The following RBFOX1 variants were observed in gnomAD, a reference collection of about 807,000 sequenced individuals.
RBFOX1 encodes RNA binding protein fox-1 homolog 1.
Under a neutral mutation model 57.7 loss-of-function variants are expected in RBFOX1, and 8 were observed. The observed-to-expected ratio is 0.14, with a 90% CI of 0.08 to 0.25. The LOEUF is 0.25. Among genes scored for constraint, RBFOX1 ranks in the 10% least tolerant of loss-of-function variants. The pLI, the probability that RBFOX1 is intolerant of heterozygous loss-of-function variation, is 1.00. For synonymous variants in RBFOX1, 326 were observed against 222.4 expected (o/e 1.47, Z -4.15); for missense variants, 611 against 548.5 (o/e 1.11, Z -1.14).
intron 3 of RBFOX1, among the ~76,000 whole-genome samples, chr16:5,713,372 A>G (rs1313114971): frequency 6.6e-6 from 1 of 152,184 alleles, no homozygotes; most frequent in African/African-American, 2.4e-5. Flanking sequence ...GGGGCGTTTA[A>G]GAGCTCTTCT....
intron 3 of RBFOX1, among the ~76,000 whole-genome samples, chr16:6,931,526 A>G (rs1386993150): frequency 7.9e-5 from 12 of 152,166 alleles, no homozygotes; most frequent in African/African-American, 1.4e-4. Flanking sequence ...GGCTGGGGAC[A>G]TCTTGCCAAT....
chr16:6,060,284 G>C (rs575972258), intron 1 of RBFOX1, among the ~76,000 whole-genome samples: 1 of 152,060 alleles, frequency 6.6e-6, no homozygotes, highest in South Asian at 2.1e-4. Context: ...CAGAGGATTT[G>C]CACCATTTGT....
intron 3 of RBFOX1, among the ~76,000 whole-genome samples, chr16:7,002,940 A>G (rs979374407): frequency 1.3e-5 from 2 of 152,140 alleles, no homozygotes; most frequent in Non-Finnish European, 2.9e-5. Flanking sequence ...AGAAAGTGTA[A>G]GAATGTAGGA....
chr16:7,664,370 C>T (rs2068623894), intron 12 of RBFOX1, among the ~76,000 whole-genome samples: 2 of 152,120 alleles, frequency 1.3e-5, no homozygotes, highest in South Asian at 2.1e-4. Context: ...AAATAATGCA[C>T]GTGCAATTAC....
At chr16:7,378,858 G>C (rs889964243) in intron 4 of RBFOX1, among the ~76,000 whole-genome samples, 1 of 152,128 alleles carries the variant, frequency 6.6e-6, no homozygotes, top group Non-Finnish European at 1.5e-5. Flanking sequence ...CAAAGAGGTG[G>C]GGTAGTGTAT....
intron 4 of RBFOX1, among the ~76,000 whole-genome samples, chr16:5,874,974 G>A (rs1013805855): frequency 6.6e-6 from 1 of 152,252 alleles, no homozygotes; most frequent in East Asian, 1.9e-4. Context: ...ATGAATGGAT[G>A]GAGAATAGAG....
chr16:5,928,262 G>A (rs1157642105), intron 4 of RBFOX1, among the ~76,000 whole-genome samples: 2 of 151,744 alleles, frequency 1.3e-5, no homozygotes, highest in Non-Finnish European at 2.9e-5. Context: ...TTAATTGTTT[G>A]TAGAGACGGG....
chr16:5,971,990 C>T (rs1005240159), intron 4 of RBFOX1, among the ~76,000 whole-genome samples: 1 of 152,182 alleles, frequency 6.6e-6, no homozygotes, highest in Admixed American at 6.5e-5. Flanking sequence ...GCCTGCCTGA[C>T]TTCAAACTGG....
intron 3 of RBFOX1, among the ~76,000 whole-genome samples, chr16:6,780,731 T>A (rs2080871734): frequency 6.6e-6 from 1 of 151,496 alleles, no homozygotes; most frequent in African/African-American, 2.4e-5. Context: ...GATTTGCATT[T>A]CTCTAATGAT....
chr16:6,568,935 C>T (rs888191937), intron 2 of RBFOX1, among the ~76,000 whole-genome samples: 1 of 151,974 alleles, frequency 6.6e-6, no homozygotes, highest in Non-Finnish European at 1.5e-5. Context: ...ATTATGCCCA[C>T]GTGATTTTTC....
At chr16:6,823,448 G>A (rs1567415447) in intron 3 of RBFOX1, among the ~76,000 whole-genome samples, 2 of 151,848 alleles carry the variant, frequency 1.3e-5, no homozygotes, top group Non-Finnish European at 1.5e-5. Flanking sequence ...ATAGAGATGG[G>A]GTTTTGCCAT....
intron 3 of RBFOX1, among the ~76,000 whole-genome samples, chr16:7,035,827 A>G (rs1383419588): frequency 1.3e-5 from 2 of 152,114 alleles, no homozygotes; most frequent in Non-Finnish European, 1.5e-5. Context: ...TTTTGTGTGA[A>G]GCATATGTCT....
At chr16:6,143,625 A>G (rs2096735420) in intron 1 of RBFOX1, among the ~76,000 whole-genome samples, 1 of 152,178 alleles carries the variant, frequency 6.6e-6, no homozygotes. Context: ...GCCCCAAATC[A>G]TGCATGTATC....
At chr16:6,855,116 C>G (rs2057588519) in intron 3 of RBFOX1, among the ~76,000 whole-genome samples, 1 of 151,954 alleles carries the variant, frequency 6.6e-6, no homozygotes, top group South Asian at 2.1e-4. Flanking sequence ...AGGGAGTTGA[C>G]AGATTCCAGC....
At chr16:7,023,509 T>C (rs187391700) in intron 3 of RBFOX1, among the ~76,000 whole-genome samples, 37 of 140,508 alleles carry the variant, frequency 2.6e-4, no homozygotes, top group African/African-American at 7.7e-4. Flanking sequence ...GGTGGAGCAC[T>C]TGATGCCAGG....
intron 3 of RBFOX1, among the ~76,000 whole-genome samples, chr16:6,928,763 T>A (rs561441399): frequency 6.6e-6 from 1 of 152,252 alleles, no homozygotes; most frequent in East Asian, 1.9e-4. Flanking sequence ...TTTCATCATT[T>A]CACATTGTTT....
chr16:7,015,686 G>C (rs1188390124), intron 3 of RBFOX1, among the ~76,000 whole-genome samples: 1 of 151,998 alleles, frequency 6.6e-6, no homozygotes, highest in Non-Finnish European at 1.5e-5. Flanking sequence ...ATTTTTTTAT[G>C]ACTAGCGGTC....
chr16:6,552,806 T>C (rs556399856), intron 2 of RBFOX1, among the ~76,000 whole-genome samples: 2 of 152,072 alleles, frequency 1.3e-5, no homozygotes, highest in East Asian at 3.9e-4. Context: ...TATGTATGAA[T>C]GTATTATGTG....
chr16:7,663,502 A>AGTGTGT (rs1555736015), intron 12 of RBFOX1, among the ~76,000 whole-genome samples: 1 of 128,484 alleles, frequency 7.8e-6, no homozygotes, highest in Non-Finnish European at 1.6e-5. Context: ...GTGTCAGTAC[A>AGTGTGT]GCGTGTGTGT....
Sources: allele counts gnomAD v4.1 joint callset (sites outside exome capture counted in the v4.1 genomes callset), GRCh38; gene constraint gnomAD v4.1.1; transcripts MANE v1.5; gene names NCBI Gene and HGNC (gene_info 2026-07-23, HGNC 2026-07-21).